RBFOX1: variants seen among roughly 807,000 people sequenced by gnomAD.
RBFOX1 encodes RNA binding protein fox-1 homolog 1.
RBFOX1 carries 8 observed loss-of-function variants against 57.7 expected under a neutral mutation model. The ratio of observed to expected loss-of-function variants is 0.14; its 90% CI spans 0.08 to 0.25. The LOEUF is 0.25. RBFOX1 is among the 10% of genes least tolerant of loss of function. The pLI, the probability that RBFOX1 is intolerant of heterozygous loss-of-function variation, is 1.00. For synonymous variants in RBFOX1, 326 were observed against 222.4 expected, an observed-to-expected ratio of 1.47 and a Z score of -4.15; for missense variants, 611 against 548.5, an observed-to-expected ratio of 1.11 and a Z score of -1.14.
At chr16:6,419,947 C>G (rs12444271) in intron 2 of RBFOX1, among the ~76,000 whole-genome samples, 7 of 152,076 alleles carry the variant, frequency 4.6e-5, no homozygotes, top group Non-Finnish European at 7.4e-5. Flanking sequence ...TGCTGCAGGC[C>G]CCCCCATCCC....
intron 4 of RBFOX1, among the ~76,000 whole-genome samples, chr16:7,293,754 G>A (rs1225671527): frequency 6.6e-6 from 1 of 152,160 alleles, no homozygotes; most frequent in Non-Finnish European, 1.5e-5. Flanking sequence ...CACCTTGTAA[G>A]TTTTGCAGAT....
chr16:7,198,757 A>C (rs1261469925), intron 4 of RBFOX1, among the ~76,000 whole-genome samples: 1 of 152,196 alleles, frequency 6.6e-6, no homozygotes, highest in African/African-American at 2.4e-5. Flanking sequence ...GAGTTCTCGT[A>C]ATCTAATCAC....
chr16:6,408,320 G>C (rs1039506599), intron 2 of RBFOX1, among the ~76,000 whole-genome samples: 2 of 152,144 alleles, frequency 1.3e-5, no homozygotes, highest in African/African-American at 4.8e-5. Context: ...CTGTCTTAAG[G>C]AATAAGGTGT....
At chr16:5,568,733 G>T (rs369834278) in intron 2 of RBFOX1, among the ~76,000 whole-genome samples, 44 of 152,298 alleles carry the variant, frequency 2.9e-4, no homozygotes, top group African/African-American at 9.9e-4. Context: ...CCCCACGATG[G>T]TCTTAAGAAT....
At chr16:6,782,805 T>C (rs1034510986) in intron 3 of RBFOX1, among the ~76,000 whole-genome samples, 3 of 152,228 alleles carry the variant, frequency 2.0e-5, no homozygotes, top group Non-Finnish European at 4.4e-5. Flanking sequence ...AGGTTTTTTG[T>C]CCAATGCTGA....
chr16:6,468,322 A>G (rs1019237854), intron 2 of RBFOX1, among the ~76,000 whole-genome samples: 3 of 152,212 alleles, frequency 2.0e-5, no homozygotes, highest in African/African-American at 4.8e-5. Context: ...TGGCAAGGCT[A>G]CATTCATCAT....
chr16:5,813,246 T>A (rs2055499512), intron 3 of RBFOX1, among the ~76,000 whole-genome samples: 1 of 152,170 alleles, frequency 6.6e-6, no homozygotes, highest in African/African-American at 2.4e-5. Flanking sequence ...AACCTGATGA[T>A]CCGCCTATTT....
At chr16:6,661,818 C>T (rs184347576) in intron 3 of RBFOX1, among the ~76,000 whole-genome samples, 1 of 152,258 alleles carries the variant, frequency 6.6e-6, no homozygotes, top group African/African-American at 2.4e-5. Context: ...CGGCGGGATG[C>T]CTGGATTATT....
chr16:7,315,459 C>CCA (rs1555700233), intron 4 of RBFOX1, among the ~76,000 whole-genome samples: 1 of 147,580 alleles, frequency 6.8e-6, no homozygotes, highest in African/African-American at 2.6e-5. Flanking sequence ...CTACCCTACC[C>CCA]CCCCCCCCAT....
intron 2 of RBFOX1, among the ~76,000 whole-genome samples, chr16:6,551,837 A>G (rs1248467107): frequency 6.6e-6 from 1 of 152,190 alleles, no homozygotes; most frequent in African/African-American, 2.4e-5. Flanking sequence ...CATTCTGCCA[A>G]GGTGGTTCTT....
At chr16:6,872,335 TTC>T (rs771978040) in intron 3 of RBFOX1, among the ~76,000 whole-genome samples, 31 of 152,178 alleles carry the variant, frequency 2.0e-4, no homozygotes, top group African/African-American at 5.1e-4. Context: ...CCTTCCTCCC[TTC>T]TCTCTGTTTC....
At chr16:5,856,185 C>A (rs140745144) in intron 3 of RBFOX1, among the ~76,000 whole-genome samples, 6,728 of 38,968 alleles carry the variant, frequency 0.17, 516 homozygotes, top group African/African-American at 0.23. Context: ...CTCTCTCTCT[C>A]TCTATATATA....
At chr16:6,060,278 G>A (rs1476464764) in intron 1 of RBFOX1, among the ~76,000 whole-genome samples, 1 of 151,826 alleles carries the variant, frequency 6.6e-6, no homozygotes, top group African/African-American at 2.4e-5. Context: ...TTGGCTCAGA[G>A]GATTTGCACC....
intron 2 of RBFOX1, among the ~76,000 whole-genome samples, chr16:6,358,964 C>T (rs562269170): frequency 2.0e-5 from 3 of 152,308 alleles, no homozygotes; most frequent in African/African-American, 7.2e-5. Flanking sequence ...TTGTTTATCC[C>T]ATTGCTCTGT....
At chr16:7,117,732 G>A (rs192666615) in intron 4 of RBFOX1, among the ~76,000 whole-genome samples, 2 of 152,296 alleles carry the variant, frequency 1.3e-5, no homozygotes, top group African/African-American at 4.8e-5. Flanking sequence ...ATTTGAGCAT[G>A]GCTTAGCTGG....
chr16:6,931,087 G>C (rs994280363), intron 3 of RBFOX1, among the ~76,000 whole-genome samples: 2 of 152,006 alleles, frequency 1.3e-5, no homozygotes, highest in African/African-American at 4.8e-5. Context: ...TAGAATAGCA[G>C]ATATTGAATA....
At chr16:6,231,740 T>C (rs1206867070) in intron 1 of RBFOX1, among the ~76,000 whole-genome samples, 1 of 152,174 alleles carries the variant, frequency 6.6e-6, no homozygotes, top group African/African-American at 2.4e-5. Context: ...GTGTATGCTG[T>C]ATATGTGCCA....
At chr16:7,201,535 C>A (rs1448543528) in intron 4 of RBFOX1, among the ~76,000 whole-genome samples, 2 of 151,470 alleles carry the variant, frequency 1.3e-5, no homozygotes, top group African/African-American at 4.9e-5. Context: ...AATCTGGGCT[C>A]ACTGCAACCT....
intron 3 of RBFOX1, among the ~76,000 whole-genome samples, chr16:6,829,069 G>C (rs2154283719): frequency 6.6e-6 from 1 of 152,210 alleles, no homozygotes; most frequent in Admixed American, 6.5e-5. Flanking sequence ...GCCGGGATCA[G>C]GGTCCCACCA....
Sources: gnomAD v4.1 joint callset for allele counts (sites outside exome capture counted in the v4.1 genomes callset) on GRCh38, gnomAD v4.1.1 for gene constraint, MANE v1.5 for transcripts, NCBI Gene and HGNC (gene_info 2026-07-23, HGNC 2026-07-21) for gene names.